ARHGAP15: variants seen among roughly 807,000 people sequenced by gnomAD.
ARHGAP15 encodes the protein Rho GTPase activating protein 15, also known as rho GTPase-activating protein 15.
ARHGAP15 carries 51 observed loss-of-function variants against 63.7 expected under a neutral mutation model. The observed-to-expected ratio is 0.80, with a 90% CI of 0.64 to 1.01. The LOEUF (loss-of-function observed/expected upper bound fraction) is 1.01. Ranked by LOEUF, ARHGAP15 falls within the 50% of genes least tolerant of loss-of-function variation. The pLI is 0.00. For missense variants in ARHGAP15, 560 were observed against 564.6 expected (o/e 0.99, Z 0.08); for synonymous variants, 191 against 193.8 (o/e 0.99, Z 0.12).
At chr2:143,703,011 C>G (rs894310502) in intron 12 of ARHGAP15, among the ~76,000 whole-genome samples, 4 of 152,180 alleles carry the variant, frequency 2.6e-5, no homozygotes, top group African/African-American at 9.7e-5. Flanking sequence ...TTGGAAGGCC[C>G]TTGTTCACCC....
intron 10 of ARHGAP15, among the ~76,000 whole-genome samples, chr2:143,523,489 C>CT (rs1694141818): frequency 1.3e-5 from 2 of 151,874 alleles, no homozygotes; most frequent in Non-Finnish European, 2.9e-5. Flanking sequence ...ATAGGGAGTC[C>CT]TTTGGTGTGA....
At chr2:143,623,986 GA>G (rs966079377) in intron 11 of ARHGAP15, 146 bp from the exon 12 acceptor site, 460 of 833,924 alleles carry the variant, frequency 5.5e-4, no homozygotes, top group South Asian at 7.6e-4. Flanking sequence ...AAAGAGGGAG[GA>G]AAAAAAAATG....
intron 11 of ARHGAP15, among the ~76,000 whole-genome samples, chr2:143,616,047 AG>A (rs931579027): frequency 3.2e-4 from 48 of 152,294 alleles, no homozygotes; most frequent in Middle Eastern, 6.8e-3. Context: ...GAAAGAAAAA[AG>A]TCTGTTCATT....
intron 6 of ARHGAP15, among the ~76,000 whole-genome samples, chr2:143,334,686 TC>T (rs1442060383): frequency 6.6e-6 from 1 of 152,026 alleles, no homozygotes; most frequent in South Asian, 2.1e-4. Flanking sequence ...AAGAAGAAAA[TC>T]AAGCACTCAA....
rs1455016510 is a variant in ARHGAP15, at chr2:143,503,828, T to C, written c.827-15438T>C. ...AGGTATGATTGTTATTCCTATTGCC[T>C]ACTGACATGTATTCTCTGAGCCACT... On this transcript the variant is annotated intron_variant, in intron 9 of 13. Transcript: ENST00000295095. Among the ~76,000 whole-genome samples the C allele has an allele frequency of 1.3e-5, 2 of 152,180 alleles. 1 individual carries two copies. The highest frequency in any genetic ancestry group is 1.3e-4 in the Admixed American group (2 of 15,266).
At chr2:143,350,755 C>T (rs1685526686) in intron 6 of ARHGAP15, among the ~76,000 whole-genome samples, 1 of 135,186 alleles carries the variant, frequency 7.4e-6, no homozygotes, top group African/African-American at 2.7e-5. Flanking sequence ...AGGAGAATGG[C>T]GTGAACCCAG....
chr2:143,382,834 A>G (rs540797980), intron 6 of ARHGAP15, among the ~76,000 whole-genome samples: 25 of 152,314 alleles, frequency 1.6e-4, no homozygotes, highest in Non-Finnish European at 7.4e-5. Context: ...TTCCCGTAGC[A>G]GAAAAGGCAG....
At chr2:143,724,361 G>A (rs1685190330) in intron 13 of ARHGAP15, among the ~76,000 whole-genome samples, 1 of 152,148 alleles carries the variant, frequency 6.6e-6, no homozygotes, top group African/African-American at 2.4e-5. Flanking sequence ...AGTTACATGT[G>A]AATGAAAGCC....
intron 6 of ARHGAP15, among the ~76,000 whole-genome samples, chr2:143,392,953 TAC>T (rs907478851): frequency 1.1e-4 from 17 of 152,212 alleles, no homozygotes; most frequent in Middle Eastern, 3.4e-3. Context: ...ATCTTAAAAA[TAC>T]AGAGTATATG....
intron 2 of ARHGAP15, among the ~76,000 whole-genome samples, chr2:143,177,431 C>T (rs1691051673): frequency 6.6e-6 from 1 of 151,646 alleles, no homozygotes; most frequent in Non-Finnish European, 1.5e-5. Context: ...GTATGGGTTA[C>T]ATTCAGGTCA....
chr2:143,696,083 G>T (rs1559131097), intron 12 of ARHGAP15, among the ~76,000 whole-genome samples: 2 of 152,058 alleles, frequency 1.3e-5, no homozygotes, highest in Non-Finnish European at 2.9e-5. Context: ...TACACTCGTT[G>T]ATTTGTATCA....
chr2:143,610,238 G>T (rs1698199554), intron 11 of ARHGAP15, among the ~76,000 whole-genome samples: 1 of 152,152 alleles, frequency 6.6e-6, no homozygotes, highest in Non-Finnish European at 1.5e-5. Context: ...ATCTGTAAGT[G>T]ATATGGAAAG....
At chr2:143,463,586 TAAATC>T (rs748120974) in intron 8 of ARHGAP15, among the ~76,000 whole-genome samples, 33 of 152,048 alleles carry the variant, frequency 2.2e-4, no homozygotes, top group Non-Finnish European at 3.7e-4. Context: ...GTGTCTATAA[TAAATC>T]AGAACAGGCC....
intron 6 of ARHGAP15, among the ~76,000 whole-genome samples, chr2:143,334,727 G>T (rs1558901294): frequency 6.6e-6 from 1 of 152,098 alleles, no homozygotes; most frequent in South Asian, 2.1e-4. Context: ...AAGCAAAGAA[G>T]CATCTAAAAT....
At chr2:143,635,888 A>T (rs1298039764) in intron 12 of ARHGAP15, among the ~76,000 whole-genome samples, 1 of 152,146 alleles carries the variant, frequency 6.6e-6, no homozygotes, top group African/African-American at 2.4e-5. Flanking sequence ...GATAATTATG[A>T]GTGTTTTCTT....
chr2:143,590,564 G>A (rs1697281452), intron 11 of ARHGAP15, among the ~76,000 whole-genome samples: 1 of 152,180 alleles, frequency 6.6e-6, no homozygotes, highest in African/African-American at 2.4e-5. Flanking sequence ...TCAGGCCTCA[G>A]CTGCCTGGCC....
At chr2:143,531,638 G>T (rs1376164400) in intron 10 of ARHGAP15, among the ~76,000 whole-genome samples, 2 of 152,184 alleles carry the variant, frequency 1.3e-5, no homozygotes, top group African/African-American at 4.8e-5. Context: ...TAACTTGAAG[G>T]TAAGCCAGCA....
intron 6 of ARHGAP15, among the ~76,000 whole-genome samples, chr2:143,353,990 G>GT (rs1462213535): frequency 7.0e-6 from 1 of 142,890 alleles, no homozygotes; most frequent in Non-Finnish European, 1.5e-5. Context: ...ACCTGTTCAG[G>GT]TATTTTTTTT....
At chr2:143,550,247 A>G (rs66850805) in intron 10 of ARHGAP15, among the ~76,000 whole-genome samples, 1 of 152,078 alleles carries the variant, frequency 6.6e-6, no homozygotes, top group East Asian at 1.9e-4. Flanking sequence ...AATGGAACAT[A>G]TATTTTTCAA....
Sources: allele counts gnomAD v4.1 joint callset (sites outside exome capture counted in the v4.1 genomes callset), GRCh38; gene constraint gnomAD v4.1.1; transcripts MANE v1.5; gene names NCBI Gene and HGNC (gene_info 2026-07-23, HGNC 2026-07-21).